The following CACNA1I variants were observed in gnomAD, a reference collection of about 807,000 sequenced individuals.
CACNA1I encodes calcium voltage-gated channel subunit alpha1 I.
A neutral mutation model predicts 201.6 loss-of-function variants in CACNA1I; 74 were observed. The observed-to-expected ratio is 0.37, with a 90% confidence interval of 0.30 to 0.45. CACNA1I has a LOEUF of 0.45. Among genes scored for constraint, CACNA1I ranks in the 20% least tolerant of loss-of-function variants. CACNA1I has a pLI of 1.00. For synonymous variants in CACNA1I, 1,431 were observed against 1,345.2 expected, an observed-to-expected ratio of 1.06 and a Z score of -1.40; for missense variants, 2,346 against 3,138.1, an observed-to-expected ratio of 0.75 and a Z score of 6.03.
rs1343998018 is a variant in CACNA1I at position 39,688,679 on chromosome 22, C to T, written c.*2274C>T. Reference sequence around the variant, plus strand: ...AGCCTTTCCTGTTGTCACATGGGTTCAGAGCAGCTGAGCAGGGAACACGTC... The same window carrying T: ...AGCCTTTCCTGTTGTCACATGGGTTTAGAGCAGCTGAGCAGGGAACACGTC... On this transcript the variant is annotated 3_prime_UTR_variant, in exon 37 of 37. Transcript: ENST00000402142. The surrounding 1 kb of genome is among the most constrained non-coding windows in gnomAD (Gnocchi z 4.8). 1 of 152,220 alleles carries T rather than the reference C, an allele frequency of 6.6e-6. No individual in the cohort carries two copies. The highest frequency in any genetic ancestry group is 1.5e-5 in the Non-Finnish European group (1 of 68,066). The allele number at this position is 152,220 out of a possible 1,614,324, so 9.4% of individuals were successfully genotyped here. A position where few individuals can be genotyped will look rare whatever the true frequency, so the allele number is the denominator to read the frequency against.
intron 1 of CACNA1I, among the ~76,000 whole-genome samples, chr22:39,584,841 C>G (rs923658113): frequency 2.0e-5 from 3 of 152,166 alleles, no homozygotes; most frequent in Admixed American, 1.3e-4. Context: ...TAGCAATCAC[C>G]AATATTTCCA....
intron 1 of CACNA1I, among the ~76,000 whole-genome samples, chr22:39,594,298 C>T (rs1349808807): frequency 6.6e-6 from 1 of 151,776 alleles, no homozygotes; most frequent in Non-Finnish European, 1.5e-5. Context: ...GCACTTTGAG[C>T]CTGAAACTGG....
chr22:39,627,679 G>A (rs913799619), intron 4 of CACNA1I, among the ~76,000 whole-genome samples: 14 of 152,222 alleles, frequency 9.2e-5, no homozygotes, highest in African/African-American at 3.4e-4. Flanking sequence ...TGGAAGTGTC[G>A]GCATTTTCGC....
chr22:39,600,834 G>A (rs1429977691), intron 3 of CACNA1I, among the ~76,000 whole-genome samples, 181 bp downstream of exon 3: 5 of 152,128 alleles, frequency 3.3e-5, no homozygotes, highest in Non-Finnish European at 7.4e-5. Flanking sequence ...TTCCTAAGTT[G>A]TGCGTCCTCC....
Position 39,685,776 on chromosome 22 carries a change from A to T in CACNA1I, c.6043A>T (p.Thr2015Ser). ...CTCCCCCCAGGCCACCGGGAGCGAC[A>T]CGTCGCTGGACGCCAGCCCCAGCAG... ...TLLRQATGSD[T>S]SLDASPSSSA... Residue 2015 changes from threonine to serine, a missense_variant, in exon 37 of 37, where the codon ACG (threonine) becomes TCG (serine). Around this residue, in one of 13 missense-constraint regions of CACNA1I, gnomAD observed 441 missense variants for 555.6 expected, o/e 0.79. Transcript: ENST00000402142. The surrounding 1 kb of genome is among the most constrained non-coding windows in gnomAD (Gnocchi z 5.0). The T allele has an allele frequency of 6.7e-7, 1 of 1,491,408 alleles. No individual in the cohort carries two copies. Among genetic ancestry groups the T allele is most frequent in the Non-Finnish European group, 8.9e-7 (1 of 1,128,000 alleles). 92.4% of individuals were successfully genotyped at this position (1,491,408 alleles called of 1,614,324 possible). A position where few individuals can be genotyped will look rare whatever the true frequency, so the allele number is the denominator to read the frequency against.
At chr22:39,582,913 C>T (rs1045578698) in intron 1 of CACNA1I, among the ~76,000 whole-genome samples, 2 of 151,290 alleles carry the variant, frequency 1.3e-5, no homozygotes, top group Non-Finnish European at 2.9e-5. Flanking sequence ...ACCATCCATT[C>T]ATCCATCTAA....
At chr22:39,580,883 G>A (rs1932525708) in intron 1 of CACNA1I, among the ~76,000 whole-genome samples, 1 of 152,216 alleles carries the variant, frequency 6.6e-6, no homozygotes. Context: ...TTCGACAAGT[G>A]TTGGAGCCCA....
rs1294576384 is a variant in CACNA1I, at chr22:39,685,732, C to T, written c.6028-29C>T. 5 of 1,424,954 alleles carry T rather than the reference C, an allele frequency of 3.5e-6. No homozygotes were observed. Among genetic ancestry groups the T allele is most frequent in the African/African-American group, 1.5e-5 (1 of 66,530 alleles). 88.3% of individuals were successfully genotyped at this position (1,424,954 alleles called of 1,614,324 possible). ...TTGCTGGGGTGGGGGCCGACACAGGCGGCCTCCACGGCTCCCACCTCCCCC... is the reference window on the plus strand; with the variant it reads ...TTGCTGGGGTGGGGGCCGACACAGGTGGCCTCCACGGCTCCCACCTCCCCC... On this transcript the variant is annotated intron_variant, in intron 36 of 36. Coordinates refer to ENST00000402142, the MANE Select transcript of CACNA1I (RefSeq NM_021096.4). This position sits in a 1 kb window ranked among gnomAD's most constrained non-coding sequence, Gnocchi z 5.0.
intron 1 of CACNA1I, chr22:39,587,870 G>T: frequency 3.0e-6 from 1 of 328,612 alleles, no homozygotes; most frequent in South Asian, 2.5e-5. Context: ...CTGCCTCCTG[G>T]GTTCAAGCAG....
At chr22:39,609,720 T>G (rs1342586019) in intron 3 of CACNA1I, among the ~76,000 whole-genome samples, 1 of 152,200 alleles carries the variant, frequency 6.6e-6, no homozygotes. Flanking sequence ...CTTGGCTAAA[T>G]CAAACAAGAG....
rs558870443 is a variant in CACNA1I at position 39,687,107 on chromosome 22, A to T, written c.*702A>T. The T allele has an allele frequency of 2.0e-5, 3 of 152,282 alleles. No homozygotes were observed. Among genetic ancestry groups the T allele is most frequent in the East Asian group, 3.9e-4 (2 of 5,174 alleles). 9.4% of individuals were successfully genotyped at this position (152,282 alleles called of 1,614,324 possible). A position where few individuals can be genotyped will look rare whatever the true frequency, so the allele number is the denominator to read the frequency against. On this transcript the variant is annotated 3_prime_UTR_variant, in exon 37 of 37. Coordinates refer to ENST00000402142, the MANE Select transcript of CACNA1I (RefSeq NM_021096.4). Reference sequence around the variant, plus strand: ...GTCCACCGGTTAGATGTCTCTCTTTAGAAAAATCAGGGGTGAGTAGCTGTG... The same window carrying T: ...GTCCACCGGTTAGATGTCTCTCTTTTGAAAAATCAGGGGTGAGTAGCTGTG...
intron 26 of CACNA1I, among the ~76,000 whole-genome samples, chr22:39,671,770 A>G (rs1429602029): frequency 3.3e-5 from 5 of 152,246 alleles, no homozygotes; most frequent in Non-Finnish European, 7.3e-5. Flanking sequence ...AAAATGGAAT[A>G]TTAATAGCTT....
In CACNA1I at chr22:39,646,830, G is replaced by C. The variant is rs1422976511; in HGVS notation, c.1411G>C (p.Ala471Pro). The change falls in exon 8 of 37, where the codon GCC becomes CCC. Residue 471 changes from alanine (A) to proline (P), a missense_variant. Coordinates refer to ENST00000402142, the MANE Select transcript of CACNA1I (RefSeq NM_021096.4). ...QSRRQALGPE[A>P]PAPAKPGPHA... ...CCGGCGCCAGGCCCTGGGCCCGGAG[G>C]CCCCGGCCCCCGCCAAACCTGGGCC... 2 of 1,538,054 alleles carry C rather than the reference G, an allele frequency of 1.3e-6. No individual in the cohort carries two copies. The highest frequency in any genetic ancestry group is 1.8e-6 in the Non-Finnish European group (2 of 1,142,276).
At chr22:39,581,116 A>G (rs1435201909) in intron 1 of CACNA1I, among the ~76,000 whole-genome samples, 1 of 152,190 alleles carries the variant, frequency 6.6e-6, no homozygotes, top group Non-Finnish European at 1.5e-5. Context: ...GAGTGACAGG[A>G]GAACAGGGCA....
rs779293821 is a variant in CACNA1I at position 39,660,393 on chromosome 22, T to C, written c.2654T>C (p.Ile885Thr). 3.1e-6 allele frequency: 5 copies of C among 1,612,518 alleles called. No homozygotes were observed. Among genetic ancestry groups the C allele is most frequent in the African/African-American group, 1.3e-5 (1 of 74,786 alleles). The change falls in exon 15 of 37, where the codon ATA becomes ACA. Residue 885 changes from isoleucine (I) to threonine (T), a missense_variant. By Grantham distance (89) the Ile-to-Thr change is moderately conservative. Around this residue, in one of 13 missense-constraint regions of CACNA1I, gnomAD observed 92 missense variants for 114.5 expected, o/e 0.80. Transcript: ENST00000402142. ...GACGAGGACCAGAGCTCATCCAACATAGAAGAGTTTGATAAGCTCCAGGAA... is the reference window on the plus strand; with the variant it reads ...GACGAGGACCAGAGCTCATCCAACACAGAAGAGTTTGATAAGCTCCAGGAA... ...YSDEDQSSSN[I>T]EEFDKLQEGL...
At chr22:39,619,195 C>G in intron 3 of CACNA1I, 115 bp from the exon 4 acceptor site, 1 of 784,710 alleles carries the variant, frequency 1.3e-6, no homozygotes, top group Admixed American at 1.9e-5. Flanking sequence ...CGACTGCTGT[C>G]TTTACTTGCC....
In CACNA1I at chr22:39,666,636, G is replaced by A. The variant is rs1023879054; in HGVS notation, c.4104+630G>A. Among the ~76,000 whole-genome samples, 3 of 152,174 alleles carry A rather than the reference G, an allele frequency of 2.0e-5. No individual in the cohort carries two copies. Among genetic ancestry groups the A allele is most frequent in the African/African-American group, 2.4e-5 (1 of 41,442 alleles). ...CTCCCCTTCCCTGCTCTCATTTCTC[G>A]AGGGCCTGCCCAGGAGGCCAGGTAT... On this transcript the variant is annotated intron_variant, in intron 23 of 36. Coordinates refer to ENST00000402142, the MANE Select transcript of CACNA1I (RefSeq NM_021096.4). This position sits in a 1 kb window ranked among gnomAD's most constrained non-coding sequence, Gnocchi z 4.1.
rs1935834152 is a variant in CACNA1I at position 39,685,528 on chromosome 22, G to A, written c.6028-233G>A. 6.6e-6 allele frequency among the ~76,000 whole-genome samples: 1 copy of A among 152,024 alleles called. No homozygotes were observed. The highest frequency in any genetic ancestry group is 1.5e-5 in the Non-Finnish European group (1 of 67,946). ...AGCCTTCTGTGACGGGCAGGGCCGG[G>A]TCTGACCTGGGTTTGAGGCGGATGC... On this transcript the variant is annotated intron_variant, in intron 36 of 36. Transcript: ENST00000402142. The surrounding 1 kb of genome is among the most constrained non-coding windows in gnomAD (Gnocchi z 5.0).
intron 8 of CACNA1I, 67 bp downstream of exon 8, chr22:39,646,948 G>A (rs570298641): frequency 2.2e-4 from 316 of 1,441,162 alleles, no homozygotes; most frequent in Middle Eastern, 7.6e-4. Context: ...TTTCCAGCAC[G>A]TCCAGCAGGC....
Sources: allele counts gnomAD v4.1 joint callset (sites outside exome capture counted in the v4.1 genomes callset), GRCh38; gene constraint gnomAD v4.1.1; regional missense constraint gnomAD v4.1.1; non-coding constraint Gnocchi (gnomAD v3.1); transcripts MANE v1.5; gene names NCBI Gene and HGNC (gene_info 2026-07-23, HGNC 2026-07-21).